The following ADGRL4 variants were observed in gnomAD, a reference collection of about 807,000 sequenced individuals.
The protein encoded by ADGRL4 is adhesion G protein-coupled receptor L4, also known as EGF, latrophilin and seven transmembrane domain containing 1.
In ADGRL4, 90 loss-of-function variants were observed where a neutral mutation model predicts 74.8. The ratio of observed to expected loss-of-function variants is 1.20; its 90% CI spans 1.02 to 1.43. ADGRL4 has a LOEUF of 1.43. Among genes scored for constraint, ADGRL4 ranks in the 40% most tolerant of loss-of-function variants. The probability of loss-of-function intolerance (pLI) is 0.00; values close to 1 mark genes in which losing one functional copy is unlikely to be tolerated. For missense variants in ADGRL4, 881 were observed against 814.3 expected (o/e 1.08, Z -1.00); for synonymous variants, 311 against 279.2 (o/e 1.11, Z -1.14).
chr1:78,955,997 A>T (rs977609400), intron 2 of ADGRL4, among the ~76,000 whole-genome samples: 1 of 152,130 alleles, frequency 6.6e-6, no homozygotes, highest in Non-Finnish European at 1.5e-5. Context: ...CTTTTTCCAG[A>T]TTATATTCTA....
At position 78,920,230 on chromosome 1, in the gene ADGRL4, G is replaced by C. The variant is rs1430793657; in HGVS notation, c.1414C>G (p.Leu472Val). ...CCAACAAGAAAAACAAGTTCAGCAA[G>C]AAATAGGCTACAGCAAAGATTTTTG... ...IHKNLCCSLF[L>V]AELVFLVGIN... Residue 472 changes from leucine to valine, a missense_variant, in exon 10 of 15, where the codon CTT becomes GTT. Coordinates refer to ENST00000370742, the MANE Select transcript of ADGRL4 (RefSeq NM_022159.4). The C allele has an allele frequency of 1.2e-6, 2 of 1,611,860 alleles. No individual in the cohort carries two copies. The highest frequency in any genetic ancestry group is 1.7e-5 in the Admixed American group (1 of 59,794).
rs1418251786 is a variant in ADGRL4, at chr1:78,946,310, C to T, written c.289G>A (p.Asp97Asn). Residue 97 changes from aspartate (D) to asparagine (N), a missense_variant, in exon 3 of 15, where the codon GAC becomes AAC. Physicochemically the swap from Asp to Asn is conservative, Grantham distance 23. Transcript: ENST00000370742. ...VPGFRSSSNQ[D>N]RFITNDGTVC... ...GTTCCATCATTAGTGATAAACCTGTCTTGGTTACTGCTGGATCTGAAGCCA... is the reference window on the plus strand; with the variant it reads ...GTTCCATCATTAGTGATAAACCTGTTTTGGTTACTGCTGGATCTGAAGCCA... 5 of 1,613,130 alleles carry T rather than the reference C, an allele frequency of 3.1e-6. No individual in the cohort carries two copies. The highest frequency in any genetic ancestry group is 3.4e-6 in the Non-Finnish European group (4 of 1,179,514).
chr1:78,896,697 A>G (rs1648407240), intron 12 of ADGRL4, among the ~76,000 whole-genome samples: 1 of 152,144 alleles, frequency 6.6e-6, no homozygotes, highest in Admixed American at 6.6e-5. Flanking sequence ...CTATCTCATA[A>G]TAACAGTCAG....
chr1:79,002,754 G>A (rs2026449), intron 2 of ADGRL4, among the ~76,000 whole-genome samples: 150,143 of 152,118 alleles, frequency 0.99, 74,142 homozygotes, highest in East Asian at 1. Context: ...TGGACTCAGA[G>A]GAGAGTAGAT....
intron 12 of ADGRL4, among the ~76,000 whole-genome samples, chr1:78,915,347 T>C (rs971493464): frequency 2.0e-5 from 3 of 151,864 alleles, no homozygotes; most frequent in African/African-American, 7.2e-5. Flanking sequence ...CTGGTATTCT[T>C]ATATCCCGGG....
At chr1:78,926,483 C>A (rs544358894) in intron 8 of ADGRL4, among the ~76,000 whole-genome samples, 1 of 152,052 alleles carries the variant, frequency 6.6e-6, no homozygotes, top group South Asian at 2.1e-4. Flanking sequence ...TAATCAACAC[C>A]AGAATCCCTT....
At chr1:78,937,714 G>A in intron 6 of ADGRL4, 93 bp downstream of exon 6, 1 of 1,124,286 alleles carries the variant, frequency 8.9e-7, no homozygotes, top group Non-Finnish European at 1.3e-6. Flanking sequence ...ATCAATACTA[G>A]TTTCAACACC....
chr1:78,902,433 C>T (rs1451371382), intron 12 of ADGRL4, among the ~76,000 whole-genome samples: 1 of 152,114 alleles, frequency 6.6e-6, no homozygotes, highest in Non-Finnish European at 1.5e-5. Flanking sequence ...CTTATTATTA[C>T]ATTTGTTTCA....
At chr1:78,950,638 AG>A (rs1178844746) in intron 2 of ADGRL4, among the ~76,000 whole-genome samples, 2 of 152,172 alleles carry the variant, frequency 1.3e-5, no homozygotes, top group African/African-American at 4.8e-5. Flanking sequence ...TAAAGAAAAG[AG>A]GGTAGGATTA....
chr1:78,938,010 C>G lies in ADGRL4; in HGVS notation c.577-20G>C, dbSNP rs766900827. ...AAATTCCTATTGAAAAAAAGTATGT[C>G]TTTTAGAAATGTTGGAATCCTACAC... On this transcript the variant is annotated intron_variant, in intron 5 of 14. Coordinates refer to ENST00000370742, the MANE Select transcript of ADGRL4 (RefSeq NM_022159.4). 15 of 1,607,002 alleles carry G rather than the reference C, an allele frequency of 9.3e-6. No individual in the cohort carries two copies. Among genetic ancestry groups the G allele is most frequent in the African/African-American group, 1.3e-5 (1 of 74,258 alleles).
chr1:79,004,203 A>G (rs966019632), intron 2 of ADGRL4, among the ~76,000 whole-genome samples: 2 of 152,136 alleles, frequency 1.3e-5, no homozygotes, highest in African/African-American at 4.8e-5. Flanking sequence ...ATAACACCCC[A>G]CAGCTATAAT....
At position 78,912,366 on chromosome 1, in the gene ADGRL4, C is replaced by G. The variant is rs150016785; in HGVS notation, c.1749+5268G>C. Among the ~76,000 whole-genome samples the G allele has an allele frequency of 1.7e-3, 258 of 151,798 alleles. 1 individual carries two copies. The highest frequency in any genetic ancestry group is 6.0e-3 in the African/African-American group (249 of 41,464). On this transcript the variant is annotated intron_variant, in intron 12 of 14. Coordinates refer to ENST00000370742, the MANE Select transcript of ADGRL4 (RefSeq NM_022159.4). The stretch of plus-strand genomic sequence containing the variant: ...GAAGGTCAAAAACACCTTGTTATAC[C>G]CTCTCTCTTTTATGGTTTAGACAAG...
At chr1:78,919,689 A>G (rs573397746) in intron 10 of ADGRL4, among the ~76,000 whole-genome samples, 1 of 152,022 alleles carries the variant, frequency 6.6e-6, no homozygotes, top group African/African-American at 2.4e-5. Flanking sequence ...AGGAGGACCC[A>G]GACCAATACA....
intron 2 of ADGRL4, among the ~76,000 whole-genome samples, chr1:78,954,253 C>T (rs945335224): frequency 2.6e-5 from 4 of 152,032 alleles, no homozygotes; most frequent in African/African-American, 9.7e-5. Flanking sequence ...GCAAGTAAAA[C>T]ACACTGGAAA....
chr1:78,900,263 G>GA (rs1390139135), intron 12 of ADGRL4, among the ~76,000 whole-genome samples: 5 of 152,022 alleles, frequency 3.3e-5, no homozygotes, highest in African/African-American at 4.8e-5. Flanking sequence ...AATAAAAATG[G>GA]AAATGAATTC....
At chr1:78,976,664 G>A (rs1650289035) in intron 2 of ADGRL4, among the ~76,000 whole-genome samples, 2 of 151,300 alleles carry the variant, frequency 1.3e-5, no homozygotes, top group South Asian at 4.1e-4. Flanking sequence ...AAAAAAGTTT[G>A]CCAACGCTTG....
intron 4 of ADGRL4, 95 bp downstream of exon 4, chr1:78,939,093 C>T: frequency 1.5e-6 from 2 of 1,368,838 alleles, no homozygotes; most frequent in Admixed American, 3.4e-5. Flanking sequence ...TAAAGTTTGA[C>T]TACTGTTTAC....
At chr1:78,970,861 G>A (rs541040940) in intron 2 of ADGRL4, among the ~76,000 whole-genome samples, 1 of 152,096 alleles carries the variant, frequency 6.6e-6, no homozygotes, top group Non-Finnish European at 1.5e-5. Context: ...GCTGTAAACT[G>A]GTTGGTTTAG....
At chr1:78,921,016 T>C (rs1648988021) in intron 9 of ADGRL4, among the ~76,000 whole-genome samples, 1 of 151,248 alleles carries the variant, frequency 6.6e-6, no homozygotes, top group South Asian at 2.1e-4. Flanking sequence ...TGATAGATTA[T>C]AAATAAATAT....
Sources: allele counts gnomAD v4.1 joint callset (sites outside exome capture counted in the v4.1 genomes callset), GRCh38; gene constraint gnomAD v4.1.1; transcripts MANE v1.5; gene names NCBI Gene and HGNC (gene_info 2026-07-23, HGNC 2026-07-21).